Variants in GPC6 observed in about 807,000 individuals in gnomAD.
GPC6 encodes the protein glypican 6, also known as glypican-6.
A neutral mutation model predicts 55.2 loss-of-function variants in GPC6; 14 were observed. The ratio of observed to expected loss-of-function variants is 0.25; its 90% CI spans 0.17 to 0.40. GPC6 has a LOEUF of 0.40. Ranked by LOEUF, GPC6 falls within the 10% of genes least tolerant of loss-of-function variation. GPC6 has a pLI of 1.00. For synonymous variants in GPC6, 278 were observed against 259.6 expected (o/e 1.07, Z -0.68); for missense variants, 641 against 708.5 (o/e 0.90, Z 1.08).
rs183478935 is a variant in GPC6 at position 94,081,968 on chromosome 13, G to A, written c.877+54074G>A. On this transcript the variant is annotated intron_variant, in intron 4 of 8. Transcript: ENST00000377047. ...CAATTTTTCTGTCTCAGCCTCCCAA[G>A]TAGCTGGGACTACAGGCATCCACCA... Among the ~76,000 whole-genome samples, 466 of 151,212 alleles carry A rather than the reference G, an allele frequency of 3.1e-3. 1 individual carries two copies. Among genetic ancestry groups the A allele is most frequent in the Non-Finnish European group, 5.0e-3 (336 of 67,856 alleles).
chr13:94,312,741 CAT>C (rs1491143978), intron 6 of GPC6, among the ~76,000 whole-genome samples: 2 of 138,592 alleles, frequency 1.4e-5, no homozygotes, highest in South Asian at 2.1e-4. Context: ...CACACACACA[CAT>C]GCACTCACCC....
chr13:93,501,307 C>G (rs1050578371), intron 1 of GPC6, among the ~76,000 whole-genome samples: 4 of 152,026 alleles, frequency 2.6e-5, no homozygotes, highest in Non-Finnish European at 2.9e-5. Context: ...GGGGAATAAT[C>G]AGCCCCAAGA....
chr13:93,948,440 G>A (rs1879108710), intron 3 of GPC6, among the ~76,000 whole-genome samples: 1 of 152,138 alleles, frequency 6.6e-6, no homozygotes, highest in African/African-American at 2.4e-5. Flanking sequence ...CCTAGCTGTG[G>A]ATTCATTTAA....
chr13:94,252,392 G>A (rs1413219112), intron 4 of GPC6, among the ~76,000 whole-genome samples: 1 of 152,108 alleles, frequency 6.6e-6, no homozygotes, highest in Non-Finnish European at 1.5e-5. Flanking sequence ...GGTGATGTCT[G>A]TTTTTGTTAG....
chr13:94,339,357 C>T (rs1877897160), intron 6 of GPC6, among the ~76,000 whole-genome samples: 1 of 152,178 alleles, frequency 6.6e-6, no homozygotes, highest in African/African-American at 2.4e-5. Context: ...AGCCATCGCA[C>T]CCGGCCTATT....
At chr13:93,963,731 C>G (rs1249807545) in intron 3 of GPC6, among the ~76,000 whole-genome samples, 1 of 152,140 alleles carries the variant, frequency 6.6e-6, no homozygotes, top group Non-Finnish European at 1.5e-5. Context: ...GTAGGAAAAT[C>G]CTTGTGTACA....
chr13:93,989,881 T>C (rs1236648958), intron 3 of GPC6, among the ~76,000 whole-genome samples: 1 of 147,960 alleles, frequency 6.8e-6, no homozygotes, highest in Non-Finnish European at 1.5e-5. Flanking sequence ...CTAAACTTTA[T>C]ATATGTATAT....
chr13:94,278,402 T>A (rs548175181), intron 4 of GPC6, among the ~76,000 whole-genome samples: 3 of 152,284 alleles, frequency 2.0e-5, no homozygotes, highest in African/African-American at 7.2e-5. Flanking sequence ...TTTGACTTCC[T>A]CTCTTTCTAT....
chr13:94,066,056 C>T (rs1429484950), intron 4 of GPC6, among the ~76,000 whole-genome samples: 1 of 152,144 alleles, frequency 6.6e-6, no homozygotes, highest in Non-Finnish European at 1.5e-5. Flanking sequence ...TTATTTCCTA[C>T]ACATGATCGA....
intron 1 of GPC6, among the ~76,000 whole-genome samples, chr13:93,477,106 C>A (rs1879328628): frequency 1.3e-5 from 2 of 151,964 alleles, no homozygotes; most frequent in African/African-American, 4.8e-5. Context: ...GTTATAAATA[C>A]TGTTGGGGAA....
At chr13:93,950,350 A>C (rs1034682701) in intron 3 of GPC6, among the ~76,000 whole-genome samples, 2 of 152,190 alleles carry the variant, frequency 1.3e-5, no homozygotes, top group Non-Finnish European at 2.9e-5. Context: ...CTTTTAGGAG[A>C]AAGGGTACCT....
intron 4 of GPC6, among the ~76,000 whole-genome samples, chr13:94,070,237 CTT>C (rs368846085): frequency 3.0e-4 from 46 of 152,212 alleles, no homozygotes; most frequent in African/African-American, 1.0e-3. Flanking sequence ...TCTTGTGAGA[CTT>C]ATTCACTATC....
At chr13:94,183,179 G>GAATGTTTCATTGACCA (rs1222839879) in intron 4 of GPC6, among the ~76,000 whole-genome samples, 2 of 152,172 alleles carry the variant, frequency 1.3e-5, no homozygotes, top group Non-Finnish European at 1.5e-5. Context: ...GACCAAAACA[G>GAATGTTTCATTGACCA]AAACTCTGTA....
At chr13:93,913,869 C>G (rs1877144394) in intron 3 of GPC6, among the ~76,000 whole-genome samples, 1 of 152,104 alleles carries the variant, frequency 6.6e-6, no homozygotes, top group African/African-American at 2.4e-5. Flanking sequence ...GTAGAAGAGA[C>G]AAAAACTTAG....
intron 3 of GPC6, among the ~76,000 whole-genome samples, chr13:93,973,137 A>G (rs981153510): frequency 6.6e-6 from 1 of 152,136 alleles, no homozygotes; most frequent in African/African-American, 2.4e-5. Flanking sequence ...GAGTGTATTT[A>G]CACAAACCTA....
At chr13:93,354,837 A>G (rs950346959) in intron 1 of GPC6, among the ~76,000 whole-genome samples, 18 of 152,154 alleles carry the variant, frequency 1.2e-4, no homozygotes, top group African/African-American at 4.3e-4. Context: ...TGGGACAAAG[A>G]GATCCCAGGA....
rs183737025 is a variant in GPC6 at position 94,287,260 on chromosome 13, C to T, written c.1008+781C>T. ...TAGTATCCCTTTCATGAAACACTAA[C>T]CAAATCTATATCAGTCCTTTAAACC... is the stretch of plus-strand genomic sequence containing the variant. On this transcript the variant is annotated intron_variant, in intron 5 of 8. Transcript: ENST00000377047. Among the ~76,000 whole-genome samples the T allele has an allele frequency of 9.1e-4, 138 of 152,280 alleles. 1 individual carries two copies. The highest frequency in any genetic ancestry group is 1.0e-3 in the Non-Finnish European group (69 of 68,008).
At chr13:93,692,376 T>C (rs960659041) in intron 2 of GPC6, among the ~76,000 whole-genome samples, 3 of 152,110 alleles carry the variant, frequency 2.0e-5, no homozygotes, top group African/African-American at 7.2e-5. Flanking sequence ...ACAGTTACAA[T>C]GTTTGAAGAA....
chr13:93,262,520 C>T (rs190746598), intron 1 of GPC6, among the ~76,000 whole-genome samples: 4 of 152,248 alleles, frequency 2.6e-5, no homozygotes, highest in African/African-American at 9.6e-5. Flanking sequence ...GTGATAAAAA[C>T]GGATAGGCCT....
Sources: allele counts gnomAD v4.1 joint callset (sites outside exome capture counted in the v4.1 genomes callset), GRCh38; gene constraint gnomAD v4.1.1; transcripts MANE v1.5; gene names NCBI Gene and HGNC (gene_info 2026-07-23, HGNC 2026-07-21).